Variants in STPG2 observed in about 807,000 individuals in gnomAD.
STPG2 encodes sperm tail PG-rich repeat containing 2.
A neutral mutation model predicts 54.2 loss-of-function variants in STPG2; 56 were observed. That is an observed-to-expected ratio of 1.03 (90% CI 0.83 to 1.29). STPG2 has a LOEUF of 1.29. Among genes scored for constraint, STPG2 ranks in the 50% most tolerant of loss-of-function variants. STPG2 has a pLI of 0.00. For missense variants in STPG2, 596 were observed against 544.9 expected (o/e 1.09, Z -0.93); for synonymous variants, 200 against 181.8 (o/e 1.10, Z -0.81).
At chr4:97,861,504 T>C (rs1729538712) in intron 8 of STPG2, among the ~76,000 whole-genome samples, 1 of 152,056 alleles carries the variant, frequency 6.6e-6, no homozygotes, top group Admixed American at 6.6e-5. Flanking sequence ...TGTATACCCA[T>C]GTAACCAAAA....
At chr4:97,779,714 C>T (rs1404107683) in intron 9 of STPG2, among the ~76,000 whole-genome samples, 2 of 152,210 alleles carry the variant, frequency 1.3e-5, no homozygotes, top group East Asian at 3.8e-4. Context: ...GGAAGTCCAT[C>T]AGACTAACAG....
chr4:97,631,310 TC>T (rs1721271419), intron 10 of STPG2, among the ~76,000 whole-genome samples: 2 of 152,038 alleles, frequency 1.3e-5, no homozygotes, highest in Non-Finnish European at 2.9e-5. Flanking sequence ...TAAATTTCCA[TC>T]AACACAGTGC....
At chr4:97,443,247 A>G (rs982544880) in intron 4 of STPG2, among the ~76,000 whole-genome samples, 1 of 152,164 alleles carries the variant, frequency 6.6e-6, no homozygotes, top group Non-Finnish European at 1.5e-5. Flanking sequence ...AGACAGCCAC[A>G]AGGCGGATAA....
At chr4:97,635,074 T>A (rs578012322) in intron 10 of STPG2, among the ~76,000 whole-genome samples, 1 of 152,048 alleles carries the variant, frequency 6.6e-6, no homozygotes, top group South Asian at 2.1e-4. Flanking sequence ...GAAAAAATGT[T>A]AAGGGCAGCC....
At chr4:97,481,233 A>C (rs1473682870) in intron 4 of STPG2, among the ~76,000 whole-genome samples, 1 of 151,592 alleles carries the variant, frequency 6.6e-6, no homozygotes, top group African/African-American at 2.4e-5. Flanking sequence ...TGAACCCTGA[A>C]TTCTGCTTCC....
At chr4:97,870,372 T>C (rs1360873118) in intron 8 of STPG2, among the ~76,000 whole-genome samples, 1 of 151,452 alleles carries the variant, frequency 6.6e-6, no homozygotes, top group Non-Finnish European at 1.5e-5. Flanking sequence ...ATAATTTTCA[T>C]ATAGGTAACA....
chr4:97,726,201 T>C (rs1724620146), intron 9 of STPG2, among the ~76,000 whole-genome samples: 1 of 151,842 alleles, frequency 6.6e-6, no homozygotes, highest in South Asian at 2.1e-4. Flanking sequence ...AAGAAAAAAG[T>C]AGACAATTTG....
At chr4:97,956,752 C>T (rs896172545) in intron 7 of STPG2, among the ~76,000 whole-genome samples, 1 of 152,110 alleles carries the variant, frequency 6.6e-6, no homozygotes, top group East Asian at 1.9e-4. Context: ...GAAAGCCACA[C>T]CCCTAGGAAA....
intron 8 of STPG2, among the ~76,000 whole-genome samples, chr4:97,868,250 T>G (rs181854426): frequency 7.7e-4 from 117 of 152,058 alleles, no homozygotes; most frequent in African/African-American, 2.6e-3. Flanking sequence ...TGCTATTTAC[T>G]GTACCATCTG....
At chr4:97,540,003 A>G (rs952189035) in intron 4 of STPG2, among the ~76,000 whole-genome samples, 1 of 152,212 alleles carries the variant, frequency 6.6e-6, no homozygotes, top group Admixed American at 6.5e-5. Flanking sequence ...TTATGGCACT[A>G]AATGCCCACA....
At chr4:97,734,555 A>T (rs996205149) in intron 9 of STPG2, among the ~76,000 whole-genome samples, 3 of 152,196 alleles carry the variant, frequency 2.0e-5, no homozygotes, top group African/African-American at 7.2e-5. Context: ...TGTTGAGATG[A>T]TCATATATTT....
chr4:97,537,818 C>T (rs1402473667), intron 4 of STPG2, among the ~76,000 whole-genome samples: 1 of 152,174 alleles, frequency 6.6e-6, no homozygotes, highest in African/African-American at 2.4e-5. Flanking sequence ...TGACACCTCA[C>T]ATGGCCAGGT....
intron 10 of STPG2, among the ~76,000 whole-genome samples, chr4:97,679,389 A>T (rs1227062785): frequency 6.6e-6 from 1 of 151,740 alleles, no homozygotes; most frequent in African/African-American, 2.4e-5. Flanking sequence ...ATGGTGAGCA[A>T]TTTTTCATGT....
rs565220843 is a variant in STPG2 at position 97,716,718 on chromosome 4, AG to A, written c.1205-3905del. ...CTGTGGGGGTGGGGGGTGGAAGGCT[AG>A]GGGAGGGATAATAACATTAGGAGAA... On this transcript the variant is annotated intron_variant, in intron 9 of 10. Coordinates refer to ENST00000295268, the MANE Select transcript of STPG2 (RefSeq NM_174952.3). Among the ~76,000 whole-genome samples the A allele has an allele frequency of 4.8e-3, 712 of 149,076 alleles. 3 individuals carry two copies. The highest frequency in any genetic ancestry group is 0.021 in the Middle Eastern group (6 of 292).
chr4:97,558,652 A>C (rs1389356314), downstream of STPG2, among the ~76,000 whole-genome samples: 2 of 152,172 alleles, frequency 1.3e-5, no homozygotes, highest in African/African-American at 2.4e-5. Flanking sequence ...TTCCCACTGG[A>C]AGTGGCATCC....
Position 98,099,380 on chromosome 4 carries a change from C to T in STPG2, c.612+6573G>A, listed in dbSNP as rs1359219755. Among the ~76,000 whole-genome samples, 4 of 152,190 alleles carry T rather than the reference C, an allele frequency of 2.6e-5. No homozygotes were observed. In the East Asian group the frequency reaches 5.8e-4, roughly 22 times the overall value. On this transcript the variant is annotated intron_variant, in intron 5 of 10. Transcript: ENST00000295268. ...GCCAGGCACAGAAAGACAAACATCA[C>T]ATGTTCTCACTTATTTGTGAGATCT...
At chr4:97,520,637 C>T (rs1731161293) in intron 4 of STPG2, among the ~76,000 whole-genome samples, 1 of 151,860 alleles carries the variant, frequency 6.6e-6, no homozygotes, top group Non-Finnish European at 1.5e-5. Context: ...AGAATGCTAC[C>T]CAACCTGCCA....
chr4:97,761,825 C>T (rs1202333528), intron 9 of STPG2, among the ~76,000 whole-genome samples: 1 of 152,100 alleles, frequency 6.6e-6, no homozygotes, highest in African/African-American at 2.4e-5. Flanking sequence ...CTTCCTGGAA[C>T]TTCTATTAAG....
At chr4:97,692,030 C>G (rs2148989349) in intron 10 of STPG2, among the ~76,000 whole-genome samples, 1 of 152,258 alleles carries the variant, frequency 6.6e-6, no homozygotes, top group South Asian at 2.1e-4. Flanking sequence ...ACAATCTGAA[C>G]AGCAGCCCTC....
Sources: gnomAD v4.1 joint callset for allele counts (sites outside exome capture counted in the v4.1 genomes callset) on GRCh38, gnomAD v4.1.1 for gene constraint, MANE v1.5 for transcripts, NCBI Gene and HGNC (gene_info 2026-07-23, HGNC 2026-07-21) for gene names.